Variants in XDH observed in about 807,000 individuals in gnomAD.
XDH encodes xanthine dehydrogenase.
In XDH, 138 loss-of-function variants were observed where a neutral mutation model predicts 156.1. That is an observed-to-expected ratio of 0.88 (90% CI 0.77 to 1.02). The LOEUF (loss-of-function observed/expected upper bound fraction) is 1.02, where lower values mean the gene tolerates loss of function less well. XDH is among the 50% of genes least tolerant of loss of function. XDH has a pLI of 0.00. For missense variants in XDH, 1,849 were observed against 1,684.9 expected, an observed-to-expected ratio of 1.10 and a Z score of -1.71; for synonymous variants, 669 against 625.7, an observed-to-expected ratio of 1.07 and a Z score of -1.03.
chr2:31,395,796 A>C (rs1686887183), intron 6 of XDH, among the ~76,000 whole-genome samples: 1 of 152,196 alleles, frequency 6.6e-6, no homozygotes, highest in Non-Finnish European at 1.5e-5. Context: ...GATGGATCTA[A>C]AAACAACTGT....
chr2:31,350,724 G>A (rs1385674115), intron 24 of XDH, among the ~76,000 whole-genome samples: 1 of 152,134 alleles, frequency 6.6e-6, no homozygotes, highest in African/African-American at 2.4e-5. Flanking sequence ...CAGCAACTCT[G>A]TGGAGAAATT....
intron 1 of XDH, among the ~76,000 whole-genome samples, chr2:31,411,410 T>C (rs1483601340): frequency 1.3e-5 from 2 of 151,980 alleles, no homozygotes; most frequent in Non-Finnish European, 2.9e-5. Context: ...ATTAATTATG[T>C]ACATTAATAT....
At chr2:31,367,136 G>A in intron 20 of XDH, 142 bp from the exon 21 acceptor site, 1 of 1,411,408 alleles carries the variant, frequency 7.1e-7, no homozygotes, top group Admixed American at 2.0e-5. Flanking sequence ...TTCCCACTTG[G>A]GGTGGAAAAG....
intron 33 of XDH, among the ~76,000 whole-genome samples, chr2:31,340,519 G>T (rs1446288158): frequency 6.6e-6 from 1 of 152,018 alleles, no homozygotes; most frequent in Non-Finnish European, 1.5e-5. Flanking sequence ...GCCCAGGCTG[G>T]AGTACAGTGG....
intron 25 of XDH, 97 bp from the exon 26 acceptor site, chr2:31,349,928 C>A: frequency 3.1e-6 from 5 of 1,611,666 alleles, no homozygotes; most frequent in Non-Finnish European, 4.2e-6. Context: ...CTCAGCAGCC[C>A]CTGCCTGTCA....
At chr2:31,375,139 C>T (rs754235484) in intron 15 of XDH, among the ~76,000 whole-genome samples, 10 of 150,496 alleles carry the variant, frequency 6.6e-5, no homozygotes, top group Non-Finnish European at 1.2e-4. Context: ...GATTCTCCTG[C>T]CTCAGCTTCC....
chr2:31,339,783 T>C (rs1201019212), intron 33 of XDH, 106 bp from the exon 34 acceptor site: 11 of 1,458,146 alleles, frequency 7.5e-6, no homozygotes, highest in Admixed American at 2.0e-5. Context: ...CGGCCTGGAA[T>C]GTAGCTAAAA....
intron 34 of XDH, among the ~76,000 whole-genome samples, chr2:31,338,510 T>C (rs1685029006): frequency 6.6e-6 from 1 of 152,116 alleles, no homozygotes; most frequent in Admixed American, 6.5e-5. Context: ...AGGGTCACAA[T>C]ATGTCCCAGC....
intron 24 of XDH, among the ~76,000 whole-genome samples, chr2:31,352,935 G>C (rs928142942): frequency 6.8e-6 from 1 of 146,712 alleles, no homozygotes; most frequent in Non-Finnish European, 1.5e-5. Flanking sequence ...TGGCCAGGCT[G>C]GTCTTGAACT....
At position 31,401,325 on chromosome 2, in the gene XDH, G is replaced by A. The variant is rs778284600; in HGVS notation, c.201C>T (p.His67=). The A allele has an allele frequency of 1.2e-6, 2 of 1,614,170 alleles. No homozygotes were observed. The highest frequency in any genetic ancestry group is 4.5e-5 in the East Asian group (2 of 44,866). Residue 67 remains histidine (H), a synonymous_variant, in exon 4 of 36, where the codon CAC becomes CAT. Transcript: ENST00000379416. ...GGGCCAGGCAGGCATTGGCAGAAAA[G>A]TGGCTAGAACCCCAGATTAAGGTCA... ...KYDRLQNKIV[H]FSANACLAPI...
intron 1 of XDH, among the ~76,000 whole-genome samples, chr2:31,411,003 G>A (rs1687327217): frequency 6.6e-6 from 1 of 152,252 alleles, no homozygotes; most frequent in African/African-American, 2.4e-5. Context: ...TATTTATTCT[G>A]GCCAGGCGCG....
chr2:31,353,649 C>T (rs1685548665), intron 24 of XDH, among the ~76,000 whole-genome samples: 1 of 152,188 alleles, frequency 6.6e-6, no homozygotes, highest in South Asian at 2.1e-4. Context: ...GACCAAAAAG[C>T]TCACTATATA....
At position 31,365,550 on chromosome 2, in the gene XDH, G is replaced by T; in HGVS notation, c.2457-6C>A. ...ATCGCACAGGGCGGCCGGTCCTGGG[G>T]GTTACCGACAGTGTTAGAAGCCTGT... is the stretch of plus-strand genomic sequence containing the variant. On this transcript the variant is annotated splice_region_variant and splice_polypyrimidine_tract_variant and intron_variant, in intron 22 of 35. Transcript: ENST00000379416. The T allele has an allele frequency of 6.2e-7, 1 of 1,614,112 alleles. No homozygotes were observed. Among genetic ancestry groups the T allele is most frequent in the South Asian group, 1.1e-5 (1 of 91,074 alleles).
At position 31,349,694 on chromosome 2, in the gene XDH, C is replaced by T. The variant is rs777717081; in HGVS notation, c.2961G>A (p.Lys987=). The T allele has an allele frequency of 1.2e-6, 2 of 1,614,038 alleles. No homozygotes were observed. Among genetic ancestry groups the T allele is most frequent in the East Asian group, 2.2e-5 (1 of 44,894 alleles). Residue 987 remains lysine, a synonymous_variant, in exon 26 of 36, where the codon AAG becomes AAA. Transcript: ENST00000379416. ...CTACTCCTAGTGCTTACTTGTTGAA[C>T]TTGTCAACCTCACTCTTCCGAGCAT... The part of the protein sequence containing the change: ...QYHARKSEVD[K]FNKENCWKKR...
At chr2:31,382,146 CA>C (rs968896409) in intron 11 of XDH, among the ~76,000 whole-genome samples, 1 of 151,016 alleles carries the variant, frequency 6.6e-6, no homozygotes, top group Admixed American at 6.6e-5. Flanking sequence ...GGTAACTTGG[CA>C]AAAAAAATGT....
rs778685046 is a variant in XDH at position 31,387,820 on chromosome 2, TG to T, written c.641del (p.Pro214GlnfsTer4). 87 of 1,582,120 alleles carry T rather than the reference TG, an allele frequency of 5.5e-5. No homozygotes were observed. Among genetic ancestry groups the T allele is most frequent in the Non-Finnish European group, 7.0e-5 (82 of 1,164,228 alleles). On this transcript the variant is annotated frameshift_variant, in exon 8 of 36. Transcript: ENST00000379416. LOFTEE classifies it high-confidence loss of function. ...CTGAGGCATCACCTACCAGCAACTC[TG>T]GGGGAAAAATGGGCTCCTGGGTTGG... The part of the protein sequence containing the change: ...LDPTQEPIFP[P>X]ELLRLKDTPR...
intron 6 of XDH, among the ~76,000 whole-genome samples, chr2:31,390,615 G>A (rs879483144): frequency 6.6e-6 from 1 of 152,320 alleles, no homozygotes; most frequent in Admixed American, 6.5e-5. Context: ...TGTGCAGTTT[G>A]CATTCTCACC....
At chr2:31,386,372 C>T (rs1468168256) in intron 9 of XDH, 42 bp downstream of exon 9, 3 of 1,606,350 alleles carry the variant, frequency 1.9e-6, no homozygotes, top group Non-Finnish European at 2.5e-6. Context: ...GAAACACCCC[C>T]AGACCCCCTG....
intron 13 of XDH, 92 bp from the exon 14 acceptor site, chr2:31,377,329 A>AT: frequency 2.9e-6 from 4 of 1,397,188 alleles, no homozygotes; most frequent in Non-Finnish European, 4.0e-6. Context: ...AGGTGAGGTG[A>AT]GGGGATAACA....
Sources: gnomAD v4.1 joint callset for allele counts (sites outside exome capture counted in the v4.1 genomes callset) on GRCh38, gnomAD v4.1.1 for gene constraint, MANE v1.5 for transcripts, NCBI Gene and HGNC (gene_info 2026-07-23, HGNC 2026-07-21) for gene names.